CPNE2: variants seen among roughly 807,000 people sequenced by gnomAD.
The protein encoded by CPNE2 is copine 2, also known as copine-2.
In CPNE2, 42 loss-of-function variants were observed where a neutral mutation model predicts 69.7. The observed-to-expected ratio is 0.60, with a 90% CI of 0.47 to 0.78. The LOEUF is 0.78. Ranked by LOEUF, CPNE2 falls within the 30% of genes least tolerant of loss-of-function variation. The probability of loss-of-function intolerance (pLI) is 0.00; values close to 1 mark genes in which losing one functional copy is unlikely to be tolerated. For missense variants in CPNE2, 587 were observed against 732.0 expected, an observed-to-expected ratio of 0.80 and a Z score of 2.29; for synonymous variants, 294 against 289.8, an observed-to-expected ratio of 1.01 and a Z score of -0.15.
At chr16:57,096,073 A>T (rs1037513750) in intron 1 of CPNE2, among the ~76,000 whole-genome samples, 3 of 152,236 alleles carry the variant, frequency 2.0e-5, no homozygotes, top group African/African-American at 4.8e-5. Context: ...TGTGTGAGGA[A>T]TGACTGCACC....
chr16:57,111,113 T>C (rs2069678751), intron 2 of CPNE2, among the ~76,000 whole-genome samples, 191 bp downstream of exon 2: 1 of 150,984 alleles, frequency 6.6e-6, no homozygotes, highest in Non-Finnish European at 1.5e-5. Flanking sequence ...AATATTACTT[T>C]GTGTTTAAAT....
At position 57,121,679 on chromosome 16, in the gene CPNE2, G is replaced by T. The variant is rs749135143; in HGVS notation, c.786G>T (p.Glu262Asp). ...CTTTCTTTTGCGTTGCCCAGCTGGA[G>T]TTCGAGTGCATCAACCCCAAGAAGC... ...MCEARDSVPL[E>D]FECINPKKQR... is the part of the protein sequence containing the mutation. Residue 262 changes from glutamate to aspartate, a missense_variant, in exon 9 of 16, where the codon GAG (glutamate) becomes GAT (aspartate). Around this residue, in one of 5 missense-constraint regions of CPNE2, gnomAD observed 269 missense variants for 300.5 expected, o/e 0.90. Transcript: ENST00000290776. 4 of 1,614,032 alleles carry T rather than the reference G, an allele frequency of 2.5e-6. No homozygotes were observed. The highest frequency in any genetic ancestry group is 1.7e-5 in the Admixed American group (1 of 59,998).
At chr16:57,121,878 A>G (rs1312674452) in intron 9 of CPNE2, 118 bp downstream of exon 9, 3 of 907,096 alleles carry the variant, frequency 3.3e-6, no homozygotes, top group African/African-American at 1.7e-5. Context: ...GCTCTGCCAC[A>G]TCCTGGCCCT....
At position 57,119,638 on chromosome 16, in the gene CPNE2, G is replaced by A; in HGVS notation, c.669G>A (p.Glu223=). 6.2e-7 allele frequency: 1 copy of A among 1,610,392 alleles called. No homozygotes were observed. The highest frequency in any genetic ancestry group is 8.5e-7 in the Non-Finnish European group (1 of 1,178,466). ...TGTCCCTGTGTGATGGGGACATGGA[G>A]AAGCCCATCCAGGTGAGGGGGCTCT... ...PLVSLCDGDM[E]KPIQVMCYDY... The change falls in exon 7 of 16, where the codon GAG becomes GAA. Residue 223 remains glutamate, a synonymous_variant. Coordinates refer to ENST00000290776, the MANE Select transcript of CPNE2 (RefSeq NM_152727.6).
chr16:57,092,921 C>G lies in CPNE2; in HGVS notation c.-36+131C>G, dbSNP rs1215269138. 7 of 152,046 alleles carry G rather than the reference C, an allele frequency of 4.6e-5. No homozygotes were observed. Among genetic ancestry groups the G allele is most frequent in the Non-Finnish European group, 1.0e-4 (7 of 67,974 alleles). 9.4% of individuals were successfully genotyped at this position (152,046 alleles called of 1,614,324 possible). On this transcript the variant is annotated intron_variant, in intron 1 of 15. Coordinates refer to ENST00000290776, the MANE Select transcript of CPNE2 (RefSeq NM_152727.6). The surrounding 1 kb of genome is among the most constrained non-coding windows in gnomAD (Gnocchi z 5.3). ...GCCTCGGGGGGCTGCGGCGCTCTAG[C>G]CCCCGCCGCCAGCGCGAACCCGGAC...
At chr16:57,111,024 T>C (rs534596178) in intron 2 of CPNE2, 102 bp downstream of exon 2, 32 of 1,057,328 alleles carry the variant, frequency 3.0e-5, no homozygotes, top group Admixed American at 1.0e-4. Flanking sequence ...ATGGAAGTAG[T>C]TGGAGTGTGG....
At chr16:57,129,813 T>C (rs1428254108) in intron 12 of CPNE2, among the ~76,000 whole-genome samples, 1 of 151,798 alleles carries the variant, frequency 6.6e-6, no homozygotes, top group Non-Finnish European at 1.5e-5. Context: ...AGTGAGACCC[T>C]GTTACAAAAA....
chr16:57,126,501 C>T (rs1225686355), intron 11 of CPNE2, among the ~76,000 whole-genome samples: 3 of 151,468 alleles, frequency 2.0e-5, no homozygotes, highest in Non-Finnish European at 2.9e-5. Context: ...ACCTTTGGGT[C>T]GGGCTGGGTA....
chr16:57,110,342 A>G (rs2069673039), intron 1 of CPNE2, among the ~76,000 whole-genome samples: 1 of 149,614 alleles, frequency 6.7e-6, no homozygotes. Flanking sequence ...CTCCTGCCTC[A>G]GCCTCCCAAG....
intron 1 of CPNE2, among the ~76,000 whole-genome samples, chr16:57,099,271 C>A (rs1189289308): frequency 6.6e-6 from 1 of 152,200 alleles, no homozygotes; most frequent in African/African-American, 2.4e-5. Context: ...CGTGTTATTG[C>A]TACCTGTGTT....
chr16:57,110,977 A>C (rs2069677884), intron 2 of CPNE2, 55 bp downstream of exon 2: 16 of 1,520,802 alleles, frequency 1.1e-5, no homozygotes, highest in Admixed American at 1.8e-5. Flanking sequence ...GCTGCTGGGG[A>C]GGGGGAGTCT....
chr16:57,107,388 A>G (rs1297955697), intron 1 of CPNE2, among the ~76,000 whole-genome samples: 1 of 152,186 alleles, frequency 6.6e-6, no homozygotes, highest in Non-Finnish European at 1.5e-5. Flanking sequence ...CCTGCCAGGC[A>G]TGTCCGGGGA....
intron 14 of CPNE2, chr16:57,141,470 T>G (rs1355197037): frequency 6.6e-6 from 1 of 152,254 alleles, no homozygotes; most frequent in African/African-American, 2.4e-5. Flanking sequence ...TCTGAGCATC[T>G]CTAACCTGCA....
At position 57,123,236 on chromosome 16, in the gene CPNE2, C is replaced by A. The variant is rs374924754; in HGVS notation, c.868-178C>A. ...CTGTGAGTCCCCCACCCATTAGGAA[C>A]CATTGCACTGAAGGCTTTGTTATAG... is the stretch of plus-strand genomic sequence containing the variant. On this transcript the variant is annotated intron_variant, in intron 9 of 15. Coordinates refer to ENST00000290776, the MANE Select transcript of CPNE2 (RefSeq NM_152727.6). 1.3e-4 allele frequency: 86 copies of A among 652,924 alleles called. No individual in the cohort carries two copies. The South Asian group carries it at 1.5e-3, about 11-fold the overall frequency. 40.4% of individuals were successfully genotyped at this position (652,924 alleles called of 1,614,324 possible). A position where few individuals can be genotyped will look rare whatever the true frequency, so the allele number is the denominator to read the frequency against.
At chr16:57,105,250 G>A (rs1240479614) in intron 1 of CPNE2, among the ~76,000 whole-genome samples, 1 of 152,104 alleles carries the variant, frequency 6.6e-6, no homozygotes, top group Non-Finnish European at 1.5e-5. Context: ...CAGCACTGGT[G>A]GCATATAGGA....
At chr16:57,141,510 C>T (rs1387320765) in intron 14 of CPNE2, 1 of 152,308 alleles carries the variant, frequency 6.6e-6, no homozygotes, top group Non-Finnish European at 1.5e-5. Context: ...TCTTATCAGG[C>T]TCTCCCACTC....
intron 3 of CPNE2, 78 bp downstream of exon 3, chr16:57,113,545 T>G: frequency 6.9e-7 from 1 of 1,440,008 alleles, no homozygotes; most frequent in Non-Finnish European, 9.4e-7. Context: ...TCGTGCTGTC[T>G]TTCCCTAGCC....
intron 6 of CPNE2, 48 bp from the exon 7 acceptor site, chr16:57,119,513 C>T (rs1368773331): frequency 2.0e-5 from 31 of 1,515,392 alleles, no homozygotes; most frequent in Non-Finnish European, 2.7e-5. Context: ...AACCCCAGAG[C>T]ACTGCTGCCC....
chr16:57,124,995 C>T (rs9302687), intron 10 of CPNE2: 161,225 of 293,320 alleles, frequency 0.55, 45,762 homozygotes, highest in Admixed American at 0.64. Context: ...TGCCCCTGAC[C>T]TGGGGGAGTG....
Sources: gnomAD v4.1 joint callset for allele counts (sites outside exome capture counted in the v4.1 genomes callset) on GRCh38, gnomAD v4.1.1 for gene constraint, gnomAD v4.1.1 regional missense constraint, Gnocchi (gnomAD v3.1) non-coding constraint, MANE v1.5 for transcripts, NCBI Gene and HGNC (gene_info 2026-07-23, HGNC 2026-07-21) for gene names.